The following AR variants were observed in gnomAD, a reference collection of about 807,000 sequenced individuals.
The protein encoded by AR is dihydrotestosterone receptor.
Under a neutral mutation model 53.9 loss-of-function variants are expected in AR, and 8 were observed. The ratio of observed to expected loss-of-function variants is 0.15; its 90% CI spans 0.09 to 0.27. The LOEUF (loss-of-function observed/expected upper bound fraction) is 0.27, where lower values mean the gene tolerates loss of function less well. Among genes scored for constraint, AR ranks in the 10% least tolerant of loss-of-function variants. The pLI, the probability that AR is intolerant of heterozygous loss-of-function variation, is 1.00. For missense variants in AR, 639 were observed against 742.5 expected, an observed-to-expected ratio of 0.86 and a Z score of 1.62; for synonymous variants, 359 against 316.4, an observed-to-expected ratio of 1.13 and a Z score of -1.43.
chrX:67,655,901 C>T (rs1178494208), intron 2 of AR, among the ~76,000 whole-genome samples: 2 of 112,279 alleles, frequency 1.8e-5, no homozygotes, highest in Non-Finnish European at 3.8e-5. Flanking sequence ...TTTCAATGCT[C>T]CAATTATGTC....
At chrX:67,698,064 C>T (rs2076027986) in intron 3 of AR, among the ~76,000 whole-genome samples, 1 of 111,721 alleles carries the variant, frequency 9.0e-6, no homozygotes, top group Non-Finnish European at 1.9e-5. Flanking sequence ...AAGTCTTGCC[C>T]AAAGTCACAC....
In AR at chrX:67,728,710, C is replaced by A. The variant is rs188297495; in HGVS notation, c.*4869C>A. 179 of 135,297 alleles carry A rather than the reference C, an allele frequency of 1.3e-3. No individual in the cohort carries two copies. Among genetic ancestry groups the A allele is most frequent in the African/African-American group, 6.0e-3 (177 of 29,463 alleles). The allele number at this position is 135,297 out of a possible 1,213,427, so 11.1% of individuals were successfully genotyped here. On this transcript the variant is annotated 3_prime_UTR_variant, in exon 8 of 8. Transcript: ENST00000374690. ...TGCCATGTACTTGTGAGAGAGGATGCAGTTTTGTTTTGGAAGCTCTCTCAG... is the reference window on the plus strand; with the variant it reads ...TGCCATGTACTTGTGAGAGAGGATGAAGTTTTGTTTTGGAAGCTCTCTCAG...
At chrX:67,547,342 A>G (rs1186334989) in intron 1 of AR, among the ~76,000 whole-genome samples, 1 of 111,682 alleles carries the variant, frequency 9.0e-6, no homozygotes, top group Non-Finnish European at 1.9e-5. Context: ...CTTTCTCCTG[A>G]AGCAACTGGG....
intron 3 of AR, chrX:67,689,575 A>G: frequency 1.0e-6 from 1 of 965,095 alleles, no homozygotes; most frequent in Non-Finnish European, 1.3e-6. Context: ...TTGTTTCTGA[A>G]AGAATCTTGA....
At chrX:67,695,217 A>C (rs770910967) in intron 3 of AR, 575 of 752,638 alleles carry the variant, frequency 7.6e-4, no homozygotes, top group Non-Finnish European at 8.6e-4. Flanking sequence ...TTATTTGTGT[A>C]TTAGGCAATT....
At chrX:67,583,791 A>C (rs764402762) in intron 1 of AR, among the ~76,000 whole-genome samples, 1 of 112,264 alleles carries the variant, frequency 8.9e-6, no homozygotes, top group African/African-American at 3.2e-5. Context: ...AGATGGAAGC[A>C]CACTGTTGAG....
At chrX:67,664,841 G>A (rs1313365115) in intron 2 of AR, among the ~76,000 whole-genome samples, 2 of 112,543 alleles carry the variant, frequency 1.8e-5, no homozygotes, top group Non-Finnish European at 3.8e-5. Context: ...CAGCCTCGCT[G>A]CTGCCTTGCA....
At chrX:67,634,727 C>T (rs1925340413) in intron 1 of AR, among the ~76,000 whole-genome samples, 1 of 111,576 alleles carries the variant, frequency 9.0e-6, no homozygotes, top group South Asian at 3.7e-4. Flanking sequence ...TCACCAACTT[C>T]TCCACCAAAA....
intron 3 of AR, among the ~76,000 whole-genome samples, chrX:67,705,030 G>A (rs1017532130): frequency 1.8e-5 from 2 of 111,827 alleles, no homozygotes; most frequent in African/African-American, 6.5e-5. Flanking sequence ...CCAGTATCAT[G>A]CTGTTTTGGT....
intron 4 of AR, among the ~76,000 whole-genome samples, chrX:67,715,249 G>A (rs1224259722): frequency 9.0e-6 from 1 of 110,543 alleles, no homozygotes; most frequent in Non-Finnish European, 1.9e-5. Context: ...CTTAGACCCT[G>A]CTTCTTATTT....
At chrX:67,711,162 T>C (rs2076092074) in intron 3 of AR, among the ~76,000 whole-genome samples, 1 of 112,604 alleles carries the variant, frequency 8.9e-6, no homozygotes, top group Non-Finnish European at 1.9e-5. Context: ...TAGGTTGGTC[T>C]AGCACAAGAA....
At chrX:67,678,144 G>T (rs916019928) in intron 2 of AR, among the ~76,000 whole-genome samples, 1 of 110,538 alleles carries the variant, frequency 9.0e-6, no homozygotes, top group Non-Finnish European at 1.9e-5. Flanking sequence ...GCCCTGGGGT[G>T]GGGGGCTCCT....
At chrX:67,706,813 C>G (rs1264284586) in intron 3 of AR, among the ~76,000 whole-genome samples, 1 of 112,153 alleles carries the variant, frequency 8.9e-6, no homozygotes, top group Non-Finnish European at 1.9e-5. Flanking sequence ...CTACACACTA[C>G]TTTAAATGTG....
intron 3 of AR, among the ~76,000 whole-genome samples, chrX:67,703,492 T>C (rs2076051441): frequency 9.0e-6 from 1 of 111,671 alleles, no homozygotes. Context: ...TTCCAATGAC[T>C]GTCTCCTAGC....
At chrX:67,555,792 A>C (rs954038707) in intron 1 of AR, among the ~76,000 whole-genome samples, 1 of 111,866 alleles carries the variant, frequency 8.9e-6, no homozygotes, top group Non-Finnish European at 1.9e-5. Flanking sequence ...CGCTAGGGGG[A>C]CTGCAAGTGC....
chrX:67,615,922 TA>T (rs1924096324), intron 1 of AR, among the ~76,000 whole-genome samples: 1 of 111,650 alleles, frequency 9.0e-6, no homozygotes. Flanking sequence ...ATAAGACTAT[TA>T]AAAATGACAA....
intron 2 of AR, among the ~76,000 whole-genome samples, chrX:67,651,090 G>T (rs752844215): frequency 9.2e-6 from 1 of 109,072 alleles, no homozygotes; most frequent in Non-Finnish European, 1.9e-5. Flanking sequence ...ACCCAGGCTG[G>T]AGTGCAGTGG....
intron 2 of AR, among the ~76,000 whole-genome samples, chrX:67,683,842 A>G (rs772401537): frequency 1.8e-5 from 2 of 110,805 alleles, no homozygotes; most frequent in Non-Finnish European, 3.8e-5. Context: ...AAAGGTGTGA[A>G]CTATGCTAAG....
intron 3 of AR, chrX:67,696,168 C>T (rs184344763): frequency 6.6e-4 from 479 of 721,218 alleles, no homozygotes; most frequent in Middle Eastern, 8.0e-4. Flanking sequence ...TTTTCTCTCT[C>T]GTTTGCTTTC....
Sources: gnomAD v4.1 joint callset for allele counts (sites outside exome capture counted in the v4.1 genomes callset) on GRCh38, gnomAD v4.1.1 for gene constraint, MANE v1.5 for transcripts, NCBI Gene and HGNC (gene_info 2026-07-23, HGNC 2026-07-21) for gene names.